Variants in ZBED4 observed in about 807,000 individuals in gnomAD.
ZBED4 encodes the protein zinc finger BED-type containing 4.
A neutral mutation model predicts 15.5 loss-of-function variants in ZBED4; 4 were observed. That is an observed-to-expected ratio of 0.26 (90% confidence interval 0.13 to 0.59). The LOEUF (loss-of-function observed/expected upper bound fraction) is 0.59, where lower values mean the gene tolerates loss of function less well. ZBED4 is among the 20% of genes least tolerant of loss of function. The pLI, the probability that ZBED4 is intolerant of heterozygous loss-of-function variation, is 0.90. For missense variants in ZBED4, 1,323 were observed against 1,461.8 expected (o/e 0.91, Z 1.55); for synonymous variants, 692 against 608.5 (o/e 1.14, Z -2.02).
chr22:49,874,316 G>A (rs1024431277), intron 1 of ZBED4, among the ~76,000 whole-genome samples: 2 of 152,094 alleles, frequency 1.3e-5, no homozygotes, highest in Admixed American at 1.3e-4. Context: ...AGGTAGAAGT[G>A]TTGGCAAATG....
Position 49,885,085 on chromosome 22 carries a change from G to A in ZBED4, c.1423G>A (p.Ala475Thr), listed in dbSNP as rs945368013. ...CCTGGCCCCCATGGACAGCCTCAAG[G>A]CCGAGTGTCGGTACTGCGGCTGTGC... ...FSLAPMDSLK[A>T]ECRYCGCAIS... Residue 475 changes from alanine to threonine, a missense_variant, in exon 2 of 2, where the codon GCC becomes ACC. Transcript: ENST00000216268. 5.0e-6 allele frequency: 8 copies of A among 1,613,580 alleles called. No homozygotes were observed. In the South Asian group the frequency reaches 6.6e-5, roughly 13 times the overall value.
At chr22:49,874,501 T>C (rs2060365741) in intron 1 of ZBED4, among the ~76,000 whole-genome samples, 1 of 151,432 alleles carries the variant, frequency 6.6e-6, no homozygotes, top group Non-Finnish European at 1.5e-5. Context: ...TTCTCCTGCC[T>C]CAGCGTCCCA....
intron 1 of ZBED4, among the ~76,000 whole-genome samples, chr22:49,861,624 T>C (rs561038172): frequency 1.2e-4 from 19 of 152,228 alleles, no homozygotes; most frequent in Middle Eastern, 6.8e-3. Flanking sequence ...TTTGTAGAGA[T>C]GGGAGTCTCA....
chr22:49,878,223 T>C (rs2060388037), intron 1 of ZBED4, among the ~76,000 whole-genome samples: 1 of 148,164 alleles, frequency 6.7e-6, no homozygotes, highest in African/African-American at 2.5e-5. Flanking sequence ...GAGAATCGTT[T>C]GAACCCGGGA....
At chr22:49,862,991 C>T (rs930543725) in intron 1 of ZBED4, among the ~76,000 whole-genome samples, 18 of 152,212 alleles carry the variant, frequency 1.2e-4, no homozygotes, top group Admixed American at 2.6e-4. Context: ...TGTGAGCCAC[C>T]GCACCCGGCC....
At position 49,886,237 on chromosome 22, in the gene ZBED4, C is replaced by A. The variant is rs747120999; in HGVS notation, c.2575C>A (p.Arg859=). ...LLSLARKICE[R]VHRSPKAKEK... The stretch of plus-strand genomic sequence containing the variant: ...GAGCCTCGCCCGGAAGATCTGCGAG[C>A]GGGTGCACCGGTCGCCCAAGGCGAA... Residue 859 remains arginine (R), a synonymous_variant, in exon 2 of 2, where the codon CGG becomes AGG. Transcript: ENST00000216268. The surrounding 1 kb of genome is among the most constrained non-coding windows in gnomAD (Gnocchi z 7.7). 2 of 959,422 alleles carry A rather than the reference C, an allele frequency of 2.1e-6. No homozygotes were observed. Among genetic ancestry groups the A allele is most frequent in the Non-Finnish European group, 3.3e-6 (2 of 614,856 alleles). 59.4% of individuals were successfully genotyped at this position (959,422 alleles called of 1,614,324 possible). A position where few individuals can be genotyped will look rare whatever the true frequency, so the allele number is the denominator to read the frequency against.
intron 1 of ZBED4, among the ~76,000 whole-genome samples, chr22:49,869,453 C>T (rs2060336846): frequency 6.6e-6 from 1 of 152,186 alleles, no homozygotes; most frequent in African/African-American, 2.4e-5. Context: ...TAGTGTGGGT[C>T]ACTTAGAGAC....
rs976694901 is a variant in ZBED4, at chr22:49,885,101, G to T, written c.1439G>T (p.Cys480Phe). The change falls in exon 2 of 2, where the codon TGC (cysteine) becomes TTC (phenylalanine). Residue 480 changes from cysteine (C) to phenylalanine (F), a missense_variant. Physicochemically the swap from Cys to Phe is radical, Grantham distance 205. Coordinates refer to ENST00000216268, the MANE Select transcript of ZBED4 (RefSeq NM_014838.3). ...MDSLKAECRY[C>F]GCAISRGKKG... ...AGCCTCAAGGCCGAGTGTCGGTACT[G>T]CGGCTGTGCCATCAGCCGGGGGAAG... 1 of 1,614,084 alleles carries T rather than the reference G, an allele frequency of 6.2e-7. No individual in the cohort carries two copies. The highest frequency in any genetic ancestry group is 1.7e-5 in the Admixed American group (1 of 60,022).
chr22:49,861,888 C>T (rs1047190997), intron 1 of ZBED4, among the ~76,000 whole-genome samples: 2 of 152,094 alleles, frequency 1.3e-5, no homozygotes, highest in Admixed American at 6.5e-5. Context: ...CAGGTCTGTT[C>T]GTAGCGTGTG....
At position 49,872,301 on chromosome 22, in the gene ZBED4, G is replaced by C. The variant is rs534388322; in HGVS notation, c.-329-11033G>C. ...AACTAGTTTCTTTGCTCATCCCTAA[G>C]CAGCAGCTCCTCATTCACTCAAGTT... On this transcript the variant is annotated intron_variant, in intron 1 of 1. Coordinates refer to ENST00000216268, the MANE Select transcript of ZBED4 (RefSeq NM_014838.3). 9.9e-5 allele frequency among the ~76,000 whole-genome samples: 15 copies of C among 152,258 alleles called. No individual in the cohort carries two copies. In the South Asian group the frequency reaches 2.3e-3, roughly 23 times the overall value.
intron 1 of ZBED4, among the ~76,000 whole-genome samples, chr22:49,854,511 C>T (rs2060266581): frequency 6.6e-6 from 1 of 152,244 alleles, no homozygotes; most frequent in Admixed American, 6.5e-5. Flanking sequence ...CTGGGGATGA[C>T]CGTTCACATT....
chr22:49,865,262 C>T (rs2060316703), intron 1 of ZBED4, among the ~76,000 whole-genome samples: 1 of 152,054 alleles, frequency 6.6e-6, no homozygotes. Context: ...GCACAGTAAA[C>T]AGATGGTGTC....
intron 1 of ZBED4, among the ~76,000 whole-genome samples, chr22:49,865,522 A>G (rs1182362871): frequency 6.6e-6 from 1 of 152,026 alleles, no homozygotes; most frequent in African/African-American, 2.4e-5. Flanking sequence ...ACCCGTCTCT[A>G]TTAAAATACA....
At chr22:49,871,759 T>TTAG (rs201884350) in intron 1 of ZBED4, among the ~76,000 whole-genome samples, 8 of 15,096 alleles carry the variant, frequency 5.3e-4, no homozygotes, top group Admixed American at 3.7e-3. Context: ...ATTTATTTAT[T>TTAG]TTTTTTTTTT....
intron 1 of ZBED4, among the ~76,000 whole-genome samples, chr22:49,858,265 G>A (rs1282561910): frequency 6.6e-6 from 1 of 152,200 alleles, no homozygotes; most frequent in South Asian, 2.1e-4. Context: ...GTGAGCCATG[G>A]CTCCTGCTGG....
intron 1 of ZBED4, among the ~76,000 whole-genome samples, chr22:49,867,938 A>G (rs2060329529): frequency 6.6e-6 from 1 of 152,210 alleles, no homozygotes; most frequent in Admixed American, 6.5e-5. Context: ...TTTGTCATAA[A>G]GTGTTGAATA....
chr22:49,885,519 G>A lies in ZBED4; in HGVS notation c.1857G>A (p.Thr619=), dbSNP rs753632021. The change falls in exon 2 of 2, where the codon ACG becomes ACA. Residue 619 remains threonine (T), a synonymous_variant. Transcript: ENST00000216268. ...TGCTGAAAACTGAGGTCTCGGAGAC[G>A]GCTCGGCCCTCCTCTCCGGACACCC... is the stretch of plus-strand genomic sequence containing the variant. ...SNVLKTEVSE[T]ARPSSPDTRV... 1.3e-4 allele frequency: 205 copies of A among 1,609,012 alleles called. No individual in the cohort carries two copies. Among genetic ancestry groups the A allele is most frequent in the Non-Finnish European group, 1.7e-4 (203 of 1,175,734 alleles).
chr22:49,886,239 G>T lies in ZBED4; in HGVS notation c.2577G>T (p.Arg859=), dbSNP rs776815263. Reference sequence around the variant, plus strand: ...GCCTCGCCCGGAAGATCTGCGAGCGGGTGCACCGGTCGCCCAAGGCGAAGG... The same window carrying T: ...GCCTCGCCCGGAAGATCTGCGAGCGTGTGCACCGGTCGCCCAAGGCGAAGG... ...LLSLARKICE[R]VHRSPKAKEK... The change falls in exon 2 of 2, where the codon CGG becomes CGT. Residue 859 remains arginine (R), a synonymous_variant. Transcript: ENST00000216268. This position sits in a 1 kb window ranked among gnomAD's most constrained non-coding sequence, Gnocchi z 7.7. 1 of 988,022 alleles carries T rather than the reference G, an allele frequency of 1.0e-6. No individual in the cohort carries two copies. The highest frequency in any genetic ancestry group is 1.6e-6 in the Non-Finnish European group (1 of 640,210). The allele number at this position is 988,022 out of a possible 1,614,324, so 61.2% of individuals were successfully genotyped here. A position where few individuals can be genotyped will look rare whatever the true frequency, so the allele number is the denominator to read the frequency against.
intron 1 of ZBED4, among the ~76,000 whole-genome samples, chr22:49,870,787 T>C (rs957771851): frequency 1.3e-5 from 2 of 152,184 alleles, no homozygotes; most frequent in Non-Finnish European, 2.9e-5. Context: ...GTCGATGGTC[T>C]CCTTTTCTGT....
Sources: gnomAD v4.1 joint callset for allele counts (sites outside exome capture counted in the v4.1 genomes callset) on GRCh38, gnomAD v4.1.1 for gene constraint, Gnocchi (gnomAD v3.1) non-coding constraint, MANE v1.5 for transcripts, NCBI Gene and HGNC (gene_info 2026-07-23, HGNC 2026-07-21) for gene names.